TRABD2B: variants seen among roughly 807,000 people sequenced by gnomAD.
TRABD2B encodes TraB domain containing 2B.
Under a neutral mutation model 40.1 loss-of-function variants are expected in TRABD2B, and 14 were observed. The ratio of observed to expected loss-of-function variants is 0.35; its 90% confidence interval spans 0.23 to 0.55. The LOEUF is 0.55. Among genes scored for constraint, TRABD2B ranks in the 20% least tolerant of loss-of-function variants. TRABD2B has a pLI of 0.90. For missense variants in TRABD2B, 541 were observed against 648.6 expected (o/e 0.83, Z 1.80); for synonymous variants, 263 against 277.0 (o/e 0.95, Z 0.50).
At chr1:47,959,984 A>G (rs577864594) in intron 2 of TRABD2B, among the ~76,000 whole-genome samples, 122 of 152,316 alleles carry the variant, frequency 8.0e-4, no homozygotes, top group African/African-American at 2.5e-3. Context: ...GGCAAACCGA[A>G]TCCAGCAGCA....
chr1:47,814,718 A>C (rs1171680744), intron 2 of TRABD2B, among the ~76,000 whole-genome samples: 2 of 152,204 alleles, frequency 1.3e-5, no homozygotes, highest in African/African-American at 4.8e-5. Flanking sequence ...CCGGAAGAAA[A>C]GAAGACTGCG....
chr1:47,826,518 A>G (rs1174519401), intron 2 of TRABD2B, among the ~76,000 whole-genome samples: 1 of 152,146 alleles, frequency 6.6e-6, no homozygotes, highest in Admixed American at 6.5e-5. Context: ...AAACATACAA[A>G]GAGTTGAGAA....
At chr1:47,769,613 T>C (rs765391987) in intron 6 of TRABD2B, among the ~76,000 whole-genome samples, 1 of 152,130 alleles carries the variant, frequency 6.6e-6, no homozygotes, top group Non-Finnish European at 1.5e-5. Flanking sequence ...TCCCCACCCC[T>C]TCCTAGGCTC....
Position 47,994,229 on chromosome 1 carries a change from G to A in TRABD2B, c.471C>T (p.Asn157=). ...ADYLFNAIAG[N]WERKRPVWVM... is the part of the protein sequence containing the mutation. The stretch of plus-strand genomic sequence containing the variant: ...CCCAGACGGGCCTCTTGCGCTCCCA[G>A]TTGCCCGCGATGGCATTGAATAGGT... The change falls in exon 2 of 7, where the codon AAC becomes AAT. Residue 157 remains asparagine, a synonymous_variant. Coordinates refer to ENST00000606738, the MANE Select transcript of TRABD2B (RefSeq NM_001194986.2). This position sits in a 1 kb window ranked among gnomAD's most constrained non-coding sequence, Gnocchi z 6.7. 6.5e-7 allele frequency: 1 copy of A among 1,545,984 alleles called. No individual in the cohort carries two copies. The highest frequency in any genetic ancestry group is 8.7e-7 in the Non-Finnish European group (1 of 1,151,522).
At chr1:47,885,653 A>G (rs1458056668) in intron 2 of TRABD2B, among the ~76,000 whole-genome samples, 1 of 152,016 alleles carries the variant, frequency 6.6e-6, no homozygotes, top group Non-Finnish European at 1.5e-5. Context: ...GTGATAAATG[A>G]GGGCCTTTCA....
At chr1:47,782,273 C>T (rs1211893714) in intron 4 of TRABD2B, among the ~76,000 whole-genome samples, 4 of 152,328 alleles carry the variant, frequency 2.6e-5, no homozygotes, top group East Asian at 1.9e-4. Flanking sequence ...CATCTTCATA[C>T]GATCAGTTCC....
At chr1:47,987,024 C>T (rs929144700) in intron 2 of TRABD2B, among the ~76,000 whole-genome samples, 2 of 152,184 alleles carry the variant, frequency 1.3e-5, no homozygotes, top group African/African-American at 4.8e-5. Context: ...GTGGCGCTCA[C>T]GCCGGCATTC....
At chr1:47,814,576 A>G (rs2124370226) in intron 2 of TRABD2B, among the ~76,000 whole-genome samples, 1 of 152,142 alleles carries the variant, frequency 6.6e-6, no homozygotes, top group East Asian at 1.9e-4. Flanking sequence ...AGGCTTTCCT[A>G]TTGCCCATTA....
At chr1:47,891,173 G>A (rs545074450) in intron 2 of TRABD2B, among the ~76,000 whole-genome samples, 1 of 152,198 alleles carries the variant, frequency 6.6e-6, no homozygotes, top group Non-Finnish European at 1.5e-5. Flanking sequence ...TAATGCTATA[G>A]AAGTATTAGC....
At chr1:47,931,300 C>T (rs1645037163) in intron 2 of TRABD2B, among the ~76,000 whole-genome samples, 1 of 152,144 alleles carries the variant, frequency 6.6e-6, no homozygotes, top group Admixed American at 6.5e-5. Flanking sequence ...CTTTAGAGAG[C>T]CTCTAATGCA....
At chr1:47,885,851 C>T (rs764489798) in intron 2 of TRABD2B, among the ~76,000 whole-genome samples, 3 of 152,182 alleles carry the variant, frequency 2.0e-5, no homozygotes, top group Admixed American at 6.5e-5. Flanking sequence ...ATTATTATGT[C>T]CACATTGCTT....
chr1:47,793,049 G>C (rs955868293), intron 4 of TRABD2B, among the ~76,000 whole-genome samples: 3 of 152,092 alleles, frequency 2.0e-5, no homozygotes, highest in African/African-American at 7.2e-5. Flanking sequence ...CTCCCAGCAG[G>C]TGCCCTGCGG....
intron 2 of TRABD2B, among the ~76,000 whole-genome samples, chr1:47,810,645 C>T (rs542610298): frequency 6.6e-6 from 1 of 152,198 alleles, no homozygotes; most frequent in Non-Finnish European, 1.5e-5. Context: ...GAAGTAATTT[C>T]AGCTGAAAGA....
At chr1:47,832,452 T>C (rs1645263494) in intron 2 of TRABD2B, among the ~76,000 whole-genome samples, 1 of 152,136 alleles carries the variant, frequency 6.6e-6, no homozygotes, top group Non-Finnish European at 1.5e-5. Flanking sequence ...ATAGCAATCC[T>C]GTTTTGGGGG....
intron 2 of TRABD2B, among the ~76,000 whole-genome samples, chr1:47,873,135 C>T (rs1388537675): frequency 6.6e-6 from 1 of 152,144 alleles, no homozygotes; most frequent in Non-Finnish European, 1.5e-5. Context: ...TAATCATTAA[C>T]AGCATTAATC....
At chr1:47,921,863 G>A (rs1219834985) in intron 2 of TRABD2B, among the ~76,000 whole-genome samples, 2 of 152,106 alleles carry the variant, frequency 1.3e-5, no homozygotes, top group African/African-American at 2.4e-5. Flanking sequence ...AGAAAATTAG[G>A]GGATCTGATA....
chr1:47,876,661 T>C (rs989766890), intron 2 of TRABD2B, among the ~76,000 whole-genome samples: 1 of 152,168 alleles, frequency 6.6e-6, no homozygotes, highest in South Asian at 2.1e-4. Flanking sequence ...TGCCAGAAAC[T>C]TCCCCTGGCC....
At chr1:47,894,027 A>C (rs1374724344) in intron 2 of TRABD2B, among the ~76,000 whole-genome samples, 2 of 152,154 alleles carry the variant, frequency 1.3e-5, no homozygotes, top group African/African-American at 4.8e-5. Flanking sequence ...TTATATTGTC[A>C]GCCTATATTC....
In TRABD2B at chr1:47,997,301, C is replaced by A; in HGVS notation, c.-512G>T. Reference sequence around the variant, plus strand: ...TCTGGGGCGACCGGCTGCCCCCGAGCCCGGCTCAGAGGGGCGGCGGGCGGC... The same window carrying A: ...TCTGGGGCGACCGGCTGCCCCCGAGACCGGCTCAGAGGGGCGGCGGGCGGC... On this transcript the variant is annotated 5_prime_UTR_variant, in exon 1 of 7. Transcript: ENST00000606738. The A allele has an allele frequency of 1.1e-6, 1 of 869,924 alleles. No homozygotes were observed. Among genetic ancestry groups the A allele is most frequent in the Non-Finnish European group, 1.4e-6 (1 of 727,042 alleles). The allele number at this position is 869,924 out of a possible 1,614,324, so 53.9% of individuals were successfully genotyped here.
Sources: gnomAD v4.1 joint callset for allele counts (sites outside exome capture counted in the v4.1 genomes callset) on GRCh38, gnomAD v4.1.1 for gene constraint, Gnocchi (gnomAD v3.1) non-coding constraint, MANE v1.5 for transcripts, NCBI Gene and HGNC (gene_info 2026-07-23, HGNC 2026-07-21) for gene names.